Variants in KCNIP1 observed in about 807,000 individuals in gnomAD.
The protein encoded by KCNIP1 is potassium voltage-gated channel interacting protein 1, also known as A-type potassium channel modulatory protein KCNIP1.
Under a neutral mutation model 33.0 loss-of-function variants are expected in KCNIP1, and 18 were observed. That is an observed-to-expected ratio of 0.55 (90% CI 0.38 to 0.81). KCNIP1 has a LOEUF of 0.81. Among genes scored for constraint, KCNIP1 ranks in the 30% least tolerant of loss-of-function variants. KCNIP1 has a pLI of 0.00. For synonymous variants in KCNIP1, 93 were observed against 98.3 expected, an observed-to-expected ratio of 0.95 and a Z score of 0.32; for missense variants, 238 against 271.6, an observed-to-expected ratio of 0.88 and a Z score of 0.87.
Position 170,699,556 on chromosome 5 carries a change from G to GA in KCNIP1, c.62-19180dup, listed in dbSNP as rs35103942. On this transcript the variant is annotated intron_variant, in intron 1 of 7. Transcript: ENST00000328939. ...TAAAATAAGAATTAAATTGCTCTGTGAAAAAAAAAAAAAAAAAAAAAAGTT... is the reference window on the plus strand; with the variant it reads ...TAAAATAAGAATTAAATTGCTCTGTGAAAAAAAAAAAAAAAAAAAAAAAGTT... Among the ~76,000 whole-genome samples, 319 of 111,264 alleles carry GA rather than the reference G, an allele frequency of 2.9e-3. 2 individuals carry two copies. The highest frequency in any genetic ancestry group is 4.7e-3 in the Non-Finnish European group (233 of 50,090). The allele number at this position is 111,264 out of a possible 152,430, so 73.0% of individuals were successfully genotyped here.
chr5:170,733,911 C>G lies in KCNIP1; in HGVS notation c.603+13C>G, dbSNP rs759544678. 15 of 1,608,420 alleles carry G rather than the reference C, an allele frequency of 9.3e-6. No individual in the cohort carries two copies. In the African/African-American group the frequency reaches 2.0e-4, roughly 22 times the overall value. ...ATCATGTCAGGAGGTAAGGAGAGATCTCAGGGCACAATAACTCTACATCTG... is the reference window on the plus strand; with the variant it reads ...ATCATGTCAGGAGGTAAGGAGAGATGTCAGGGCACAATAACTCTACATCTG... On this transcript the variant is annotated intron_variant, in intron 7 of 7. Coordinates refer to ENST00000328939, the MANE Select transcript of KCNIP1 (RefSeq NM_014592.4).
chr5:170,602,915 C>T (rs1003086478), intron 1 of KCNIP1, among the ~76,000 whole-genome samples: 8 of 152,176 alleles, frequency 5.3e-5, no homozygotes, highest in Admixed American at 5.2e-4. Context: ...GGTTCGGCGC[C>T]GCATCACACA....
At chr5:170,588,499 T>C (rs1361482921) in intron 1 of KCNIP1, among the ~76,000 whole-genome samples, 1 of 152,204 alleles carries the variant, frequency 6.6e-6, no homozygotes. Context: ...TGTAGTTGTG[T>C]GTGTCACTCA....
intron 1 of KCNIP1, among the ~76,000 whole-genome samples, chr5:170,689,838 G>C (rs1762660952): frequency 6.6e-6 from 1 of 152,200 alleles, no homozygotes; most frequent in African/African-American, 2.4e-5. Context: ...CATCAGGCCA[G>C]GAGCCCCCTT....
intron 1 of KCNIP1, among the ~76,000 whole-genome samples, chr5:170,521,034 G>A (rs556223173): frequency 7.2e-5 from 11 of 152,312 alleles, no homozygotes; most frequent in East Asian, 1.9e-4. Context: ...ATAGACACCC[G>A]TTTGAGAATT....
chr5:170,503,393 CAAAAAAA>C (rs10628243), upstream of KCNIP1, among the ~76,000 whole-genome samples: 254 of 112,512 alleles, frequency 2.3e-3, no homozygotes, highest in African/African-American at 8.5e-3. Context: ...GACTCCGTCT[CAAAAAAA>C]AAAAAAAAAG....
Position 170,695,604 on chromosome 5 carries a change from T to C in KCNIP1, c.62-23154T>C, listed in dbSNP as rs545409308. Among the ~76,000 whole-genome samples the C allele has an allele frequency of 2.6e-5, 4 of 152,356 alleles. No homozygotes were observed. The South Asian group carries it at 8.3e-4, about 32-fold the overall frequency. On this transcript the variant is annotated intron_variant, in intron 1 of 7. Transcript: ENST00000328939. ...CATTGTGTGACTATTTTAACATCCA[T>C]TTTACTGTTGAACACTTGGGTAAAC...
chr5:170,732,158 C>T (rs1302386115), intron 5 of KCNIP1, among the ~76,000 whole-genome samples: 1 of 152,190 alleles, frequency 6.6e-6, no homozygotes, highest in African/African-American at 2.4e-5. Flanking sequence ...CCCTGGGTCT[C>T]TGTAGAAACC....
At chr5:170,685,106 A>G (rs1762498017) in intron 1 of KCNIP1, among the ~76,000 whole-genome samples, 1 of 152,158 alleles carries the variant, frequency 6.6e-6, no homozygotes, top group Non-Finnish European at 1.5e-5. Context: ...CCATAAGGAC[A>G]ACCCAGTCTC....
chr5:170,473,252 A>C (rs1756777186), intron 1 of KCNIP1, among the ~76,000 whole-genome samples: 1 of 152,138 alleles, frequency 6.6e-6, no homozygotes, highest in Admixed American at 6.5e-5. Flanking sequence ...TTTATAATTG[A>C]CATTTATTAA....
intron 1 of KCNIP1, among the ~76,000 whole-genome samples, chr5:170,543,108 C>A (rs182157715): frequency 3.0e-4 from 45 of 152,312 alleles, no homozygotes; most frequent in African/African-American, 1.1e-3. Flanking sequence ...AGGGCCCTGC[C>A]TTCGTGACCT....
rs79027073 is a variant in KCNIP1, at chr5:170,673,996, G to A, written c.62-44762G>A. Among the ~76,000 whole-genome samples, 429 of 152,192 alleles carry A rather than the reference G, an allele frequency of 2.8e-3. 13 individuals are homozygous for A. In the East Asian group the frequency reaches 0.075, roughly 27 times the overall value. On this transcript the variant is annotated intron_variant, in intron 1 of 7. Transcript: ENST00000328939. Reference sequence around the variant, plus strand: ...CAGCAGTTTTATTCCTGGGATAAATGCTAAAGCAGGTTGTCTCCATCTCTG... The same window carrying A: ...CAGCAGTTTTATTCCTGGGATAAATACTAAAGCAGGTTGTCTCCATCTCTG...
At chr5:170,622,899 T>C (rs1306578077) in intron 1 of KCNIP1, among the ~76,000 whole-genome samples, 2 of 152,202 alleles carry the variant, frequency 1.3e-5, no homozygotes, top group African/African-American at 4.8e-5. Context: ...AAACCGGTTT[T>C]GGTTCAGTGG....
chr5:170,702,018 T>C (rs981407800), intron 1 of KCNIP1, among the ~76,000 whole-genome samples: 1 of 152,204 alleles, frequency 6.6e-6, no homozygotes, highest in Non-Finnish European at 1.5e-5. Flanking sequence ...AACTTATTCA[T>C]GTAACCAAAC....
chr5:170,572,559 C>T (rs555065494), intron 1 of KCNIP1, among the ~76,000 whole-genome samples: 12 of 152,350 alleles, frequency 7.9e-5, no homozygotes, highest in Admixed American at 2.0e-4. Context: ...AGAAATCACT[C>T]GCACATTGTT....
intron 1 of KCNIP1, among the ~76,000 whole-genome samples, chr5:170,680,286 C>A (rs961226062): frequency 1.3e-5 from 2 of 152,140 alleles, no homozygotes; most frequent in Non-Finnish European, 2.9e-5. Flanking sequence ...TGCTGACAAT[C>A]CAGTGTACGA....
intron 1 of KCNIP1, among the ~76,000 whole-genome samples, chr5:170,390,507 AAAAAAAAC>A (rs199702536): frequency 5.2e-5 from 3 of 57,224 alleles, no homozygotes; most frequent in African/African-American, 8.1e-5. Flanking sequence ...CGTCTCAAAA[AAAAAAAAC>A]AAATATATAT....
At chr5:170,397,737 A>G (rs2113378267) in intron 1 of KCNIP1, among the ~76,000 whole-genome samples, 1 of 152,334 alleles carries the variant, frequency 6.6e-6, no homozygotes, top group South Asian at 2.1e-4. Context: ...ATGAGTGACC[A>G]ATGGCCCATG....
intron 1 of KCNIP1, among the ~76,000 whole-genome samples, chr5:170,457,431 G>A (rs1466917688): frequency 2.6e-5 from 4 of 152,168 alleles, no homozygotes; most frequent in African/African-American, 9.7e-5. Context: ...TGAAGGAAGT[G>A]GATTGCTCCT....
Sources: allele counts gnomAD v4.1 joint callset (sites outside exome capture counted in the v4.1 genomes callset), GRCh38; gene constraint gnomAD v4.1.1; transcripts MANE v1.5; gene names NCBI Gene and HGNC (gene_info 2026-07-23, HGNC 2026-07-21).